The following GRM5 variants were observed in gnomAD, a reference collection of about 807,000 sequenced individuals.
GRM5 encodes the protein glutamate metabotropic receptor 5.
GRM5 carries 19 observed loss-of-function variants against 83.1 expected under a neutral mutation model. The observed-to-expected ratio is 0.23, with a 90% confidence interval of 0.16 to 0.34. The LOEUF is 0.34. GRM5 is among the 10% of genes least tolerant of loss of function. GRM5 has a pLI of 1.00. For missense variants in GRM5, 1,160 were observed against 1,588.3 expected (o/e 0.73, Z 4.58); for synonymous variants, 675 against 633.6 (o/e 1.07, Z -0.98).
At chr11:88,804,700 A>T (rs1016153378) in intron 3 of GRM5, among the ~76,000 whole-genome samples, 2 of 152,216 alleles carry the variant, frequency 1.3e-5, no homozygotes, top group East Asian at 3.9e-4. Flanking sequence ...AATAAAATAA[A>T]ATAAAAAAAC....
intron 2 of GRM5, among the ~76,000 whole-genome samples, chr11:88,923,076 C>T (rs1565293679): frequency 6.6e-6 from 1 of 151,986 alleles, no homozygotes. Context: ...CAGGAAATAA[C>T]AAATGCTGGC....
At chr11:88,699,275 A>AT (rs1479259834) in intron 3 of GRM5, among the ~76,000 whole-genome samples, 1 of 152,234 alleles carries the variant, frequency 6.6e-6, no homozygotes, top group Non-Finnish European at 1.5e-5. Flanking sequence ...TCACTACAGC[A>AT]TTTTTTAAAA....
intron 4 of GRM5, among the ~76,000 whole-genome samples, chr11:88,612,298 C>T (rs1365381565): frequency 2.0e-5 from 3 of 150,138 alleles, no homozygotes; most frequent in African/African-American, 5.0e-5. Context: ...GACATGAACC[C>T]ATCATTTTTT....
chr11:88,532,220 C>T lies in GRM5; in HGVS notation c.2631-6816G>A, dbSNP rs568845028. Among the ~76,000 whole-genome samples, 29 of 152,152 alleles carry T rather than the reference C, an allele frequency of 1.9e-4. 1 individual carries two copies. The South Asian group carries it at 5.8e-3, about 30-fold the overall frequency. On this transcript the variant is annotated intron_variant, in intron 8 of 9. Coordinates refer to ENST00000305447, the MANE Select transcript of GRM5 (RefSeq NM_001143831.3). ...GGTAGGAGTGTGTTCTTCAAGGAAACCTCTCATTTAAACCAATATAGATGC... is the reference window on the plus strand; with the variant it reads ...GGTAGGAGTGTGTTCTTCAAGGAAATCTCTCATTTAAACCAATATAGATGC...
chr11:88,686,249 G>C (rs1259958603), intron 3 of GRM5, among the ~76,000 whole-genome samples: 1 of 152,144 alleles, frequency 6.6e-6, no homozygotes, highest in Non-Finnish European at 1.5e-5. Flanking sequence ...TGACTGCCCT[G>C]CTGGATTTTG....
At position 88,873,461 on chromosome 11, in the gene GRM5, T is replaced by TA. The variant is rs1199811177; in HGVS notation, c.662-23307dup. Among the ~76,000 whole-genome samples, 13 of 151,406 alleles carry TA rather than the reference T, an allele frequency of 8.6e-5. No homozygotes were observed. In the East Asian group the frequency reaches 9.7e-4, roughly 11 times the overall value. On this transcript the variant is annotated intron_variant, in intron 2 of 9. Transcript: ENST00000305447. ...TCTCCAGGATAGACCATATGTGAAG[T>TA]AAAAAAAATACTCTTATCACATTTA...
intron 2 of GRM5, among the ~76,000 whole-genome samples, chr11:88,866,224 TA>T (rs1157580442): frequency 1.3e-5 from 2 of 151,922 alleles, no homozygotes; most frequent in African/African-American, 2.4e-5. Flanking sequence ...TATGCAGCCA[TA>T]AAAAAGGATG....
intron 4 of GRM5, among the ~76,000 whole-genome samples, chr11:88,650,075 CAGTT>C (rs540098614): frequency 2.2e-3 from 340 of 151,878 alleles, no homozygotes; most frequent in African/African-American, 7.7e-3. Flanking sequence ...ACTAAGGACT[CAGTT>C]GGTAATTTCT....
At chr11:88,581,130 A>C (rs1024077676) in intron 7 of GRM5, among the ~76,000 whole-genome samples, 1 of 152,142 alleles carries the variant, frequency 6.6e-6, no homozygotes, top group Admixed American at 6.6e-5. Context: ...AAATAAATTT[A>C]AATAAATAAA....
chr11:88,828,795 C>T (rs1359732749), intron 3 of GRM5, among the ~76,000 whole-genome samples: 1 of 151,936 alleles, frequency 6.6e-6, no homozygotes, highest in Non-Finnish European at 1.5e-5. Context: ...TTGAATTATA[C>T]AAACATTAAG....
chr11:88,696,698 G>T (rs1940912981), intron 3 of GRM5, among the ~76,000 whole-genome samples: 1 of 152,172 alleles, frequency 6.6e-6, no homozygotes, highest in African/African-American at 2.4e-5. Context: ...AGCAGAATGG[G>T]TTTTATAATG....
chr11:88,615,057 T>G (rs1210140964), intron 4 of GRM5, among the ~76,000 whole-genome samples: 1 of 152,134 alleles, frequency 6.6e-6, no homozygotes, highest in African/African-American at 2.4e-5. Flanking sequence ...GGCCCAGGTA[T>G]GTACAGAAGG....
At chr11:88,737,020 C>G (rs531188958) in intron 3 of GRM5, among the ~76,000 whole-genome samples, 1 of 152,112 alleles carries the variant, frequency 6.6e-6, no homozygotes, top group South Asian at 2.1e-4. Context: ...GTTATCTAAA[C>G]AAATTGATTA....
At chr11:89,035,103 C>G (rs1941354397) in intron 2 of GRM5, among the ~76,000 whole-genome samples, 1 of 151,516 alleles carries the variant, frequency 6.6e-6, no homozygotes, top group Non-Finnish European at 1.5e-5. Context: ...GAATTGAAAA[C>G]AGTAGAATTC....
intron 2 of GRM5, among the ~76,000 whole-genome samples, chr11:88,975,666 C>T (rs1453699220): frequency 6.6e-6 from 1 of 152,154 alleles, no homozygotes; most frequent in African/African-American, 2.4e-5. Flanking sequence ...TCAGAAACTG[C>T]CTTTTAACAT....
intron 2 of GRM5, among the ~76,000 whole-genome samples, chr11:88,852,208 C>A (rs1439555451): frequency 6.6e-6 from 1 of 152,118 alleles, no homozygotes; most frequent in East Asian, 1.9e-4. Context: ...TTGTTCCTAA[C>A]AGCTTTAACA....
At chr11:88,889,421 G>A (rs907615372) in intron 2 of GRM5, among the ~76,000 whole-genome samples, 1 of 152,078 alleles carries the variant, frequency 6.6e-6, no homozygotes, top group Non-Finnish European at 1.5e-5. Context: ...TGCAATGACA[G>A]TTTCAAAAGC....
chr11:88,879,940 A>G (rs1944924303), intron 2 of GRM5, among the ~76,000 whole-genome samples: 1 of 152,124 alleles, frequency 6.6e-6, no homozygotes, highest in East Asian at 1.9e-4. Context: ...CACTAGCCTT[A>G]TTATAGAGAA....
At chr11:89,022,225 T>A (rs867838268) in intron 2 of GRM5, among the ~76,000 whole-genome samples, 2 of 152,200 alleles carry the variant, frequency 1.3e-5, no homozygotes, top group Admixed American at 1.3e-4. Context: ...CAATATTCAC[T>A]ATACACACTA....
Sources: allele counts gnomAD v4.1 joint callset (sites outside exome capture counted in the v4.1 genomes callset), GRCh38; gene constraint gnomAD v4.1.1; transcripts MANE v1.5; gene names NCBI Gene and HGNC (gene_info 2026-07-23, HGNC 2026-07-21).